The following TPRG1 variants were observed in gnomAD, a reference collection of about 807,000 sequenced individuals.
TPRG1 encodes the protein tumor protein p63 regulated 1, also known as tumor protein p63-regulated gene 1 protein.
Under a neutral mutation model 29.3 loss-of-function variants are expected in TPRG1, and 29 were observed. The ratio of observed to expected loss-of-function variants is 0.99; its 90% confidence interval spans 0.74 to 1.35. The LOEUF (loss-of-function observed/expected upper bound fraction) is 1.35. Ranked by LOEUF, TPRG1 falls within the 40% of genes most tolerant of loss-of-function variation. The pLI, the probability that TPRG1 is intolerant of heterozygous loss-of-function variation, is 0.00. For missense variants in TPRG1, 327 were observed against 335.0 expected (o/e 0.98, Z 0.19); for synonymous variants, 130 against 116.8 (o/e 1.11, Z -0.73).
intron 4 of TPRG1, among the ~76,000 whole-genome samples, chr3:189,255,036 C>G (rs1035153706): frequency 6.6e-6 from 1 of 152,142 alleles, no homozygotes; most frequent in African/African-American, 2.4e-5. Flanking sequence ...CCTGATTGCC[C>G]TGGCCAGAAC....
intron 3 of TPRG1, among the ~76,000 whole-genome samples, chr3:189,222,852 C>A (rs993851947): frequency 3.3e-5 from 5 of 152,156 alleles, no homozygotes; most frequent in African/African-American, 4.8e-5. Flanking sequence ...CCGGTGCTAT[C>A]CCTTGGCCTC....
chr3:189,140,391 C>T (rs377165946), intron 3 of TPRG1, among the ~76,000 whole-genome samples: 7 of 152,066 alleles, frequency 4.6e-5, no homozygotes, highest in South Asian at 2.1e-4. Context: ...ATGGAGTGGA[C>T]GAAGTGTACC....
At chr3:189,143,455 T>G (rs1302169619) in intron 3 of TPRG1, among the ~76,000 whole-genome samples, 4 of 152,160 alleles carry the variant, frequency 2.6e-5, no homozygotes, top group African/African-American at 9.7e-5. Context: ...CAGAGTAGGA[T>G]GTTCTAAATT....
Position 189,320,884 on chromosome 3 carries a change from C to A in TPRG1, c.*64C>A. On this transcript the variant is annotated 3_prime_UTR_variant, in exon 6 of 6. Coordinates refer to ENST00000345063, the MANE Select transcript of TPRG1 (RefSeq NM_198485.4). ...TGTCACTTTGAAAATTCCAGTTTGACCCACGCTATTTTTGGACTGAAACAA... is the reference window on the plus strand; with the variant it reads ...TGTCACTTTGAAAATTCCAGTTTGAACCACGCTATTTTTGGACTGAAACAA... 1 of 1,301,990 alleles carries A rather than the reference C, an allele frequency of 7.7e-7. No homozygotes were observed. Among genetic ancestry groups the A allele is most frequent in the East Asian group, 2.7e-5 (1 of 37,566 alleles). 80.7% of individuals were successfully genotyped at this position (1,301,990 alleles called of 1,614,324 possible).
chr3:189,268,633 A>G (rs1044242486), intron 4 of TPRG1, among the ~76,000 whole-genome samples: 2 of 152,322 alleles, frequency 1.3e-5, no homozygotes, highest in Non-Finnish European at 2.9e-5. Flanking sequence ...TTGAGGTTCT[A>G]TAATAGTTTG....
At chr3:189,052,560 C>G (rs1715392743) in intron 4 of TPRG1, among the ~76,000 whole-genome samples, 1 of 152,144 alleles carries the variant, frequency 6.6e-6, no homozygotes, top group African/African-American at 2.4e-5. Context: ...GAAAGTAGAA[C>G]TACCATTTGA....
In TPRG1 at chr3:189,141,741, G is replaced by A. The variant is rs140274816; in HGVS notation, c.-290-5843G>A. ...AACATAGTCCTTGAAATTTACCAAC[G>A]TTACAGTCTCAAGTATTTGTGTGTG... On this transcript the variant is annotated intron_variant, in intron 3 of 6. Coordinates refer to the TPRG1 transcript ENST00000412373. 2.2e-4 allele frequency among the ~76,000 whole-genome samples: 34 copies of A among 152,236 alleles called. No individual in the cohort carries two copies. In the East Asian group the frequency reaches 4.8e-3, roughly 22 times the overall value.
At position 189,310,390 on chromosome 3, in the gene TPRG1, C is replaced by A. The variant is rs755877455; in HGVS notation, c.484C>A (p.Gln162Lys). ...TGGAAAACGCCTTTCTTGTAGGAGA[C>A]AAGGAGAAGGCCTTAGGATCTACTG... is the stretch of plus-strand genomic sequence containing the variant. Reference protein sequence around the residue: ...TFPGMSLDKRQGEGLRIYWGS... With the variant: ...TFPGMSLDKRKGEGLRIYWGS... The change falls in exon 5 of 6, where the codon CAA (glutamine) becomes AAA (lysine). Residue 162 changes from glutamine (Q) to lysine (K), a missense_variant. By Grantham distance (53) the Gln-to-Lys change is moderately conservative. Coordinates refer to ENST00000345063, the MANE Select transcript of TPRG1 (RefSeq NM_198485.4). The A allele has an allele frequency of 1.6e-5, 25 of 1,586,476 alleles. No individual in the cohort carries two copies. The East Asian group carries it at 4.9e-4, about 31-fold the overall frequency.
At chr3:189,164,232 C>T (rs1348958859) in intron 5 of TPRG1, among the ~76,000 whole-genome samples, 2 of 151,946 alleles carry the variant, frequency 1.3e-5, no homozygotes, top group African/African-American at 4.8e-5. Flanking sequence ...GTGCGATCTC[C>T]ACTCACTGCA....
intron 4 of TPRG1, among the ~76,000 whole-genome samples, chr3:189,274,855 G>A (rs1715830023): frequency 6.6e-6 from 1 of 151,516 alleles, no homozygotes; most frequent in Admixed American, 6.6e-5. Flanking sequence ...ATTTTGACCT[G>A]TGCTTTTTTT....
At chr3:189,258,430 G>A (rs1276971238) in intron 4 of TPRG1, among the ~76,000 whole-genome samples, 1 of 152,146 alleles carries the variant, frequency 6.6e-6, no homozygotes, top group East Asian at 1.9e-4. Flanking sequence ...TGTGTTTGAG[G>A]TGTCTGTTGA....
At chr3:189,312,163 T>C (rs182605655) in intron 5 of TPRG1, among the ~76,000 whole-genome samples, 4,885 of 71,960 alleles carry the variant, frequency 0.068, 452 homozygotes, top group East Asian at 0.13. Flanking sequence ...CTTTCTTTCT[T>C]TCTTTCTTTC....
chr3:189,008,547 TTAAC>T lies in TPRG1; in HGVS notation c.-660+3794_-660+3797del, dbSNP rs1248837149. 5.3e-5 allele frequency among the ~76,000 whole-genome samples: 8 copies of T among 152,332 alleles called. No homozygotes were observed. In the South Asian group the frequency reaches 1.5e-3, roughly 28 times the overall value. ...GCCCAAGAATTAGTACAATTTTACT[TTAAC>T]TAACTACTGAGTGTATAAATGAGAA... is the stretch of plus-strand genomic sequence containing the variant. On this transcript the variant is annotated intron_variant, in intron 3 of 10. Coordinates refer to the TPRG1 transcript ENST00000433971.
At chr3:189,022,791 T>G (rs531899672) in intron 3 of TPRG1, among the ~76,000 whole-genome samples, 1,627 of 152,362 alleles carry the variant, frequency 0.011, 18 homozygotes, top group Non-Finnish European at 0.016. Context: ...GTTTACCTAA[T>G]CAAGCCGGGG....
chr3:189,245,937 G>A (rs2108979835), intron 4 of TPRG1, among the ~76,000 whole-genome samples: 1 of 151,978 alleles, frequency 6.6e-6, no homozygotes, highest in East Asian at 1.9e-4. Flanking sequence ...AAAATTCTAT[G>A]TTATAAAGTT....
In TPRG1 at chr3:189,219,814, A is replaced by T. The variant is rs1736673920; in HGVS notation, c.302+4431A>T. The T allele has an allele frequency of 2.9e-6, 3 of 1,051,146 alleles. 1 individual carries two copies. In the South Asian group the frequency reaches 7.3e-5, roughly 26 times the overall value. The allele number at this position is 1,051,146 out of a possible 1,614,324, so 65.1% of individuals were successfully genotyped here. ...TTGAGAGTAGTTGCCTAAGGTATTTAAAAACCGGTAATTCTTGTTCTTCAT... is the reference window on the plus strand; with the variant it reads ...TTGAGAGTAGTTGCCTAAGGTATTTTAAAACCGGTAATTCTTGTTCTTCAT... On this transcript the variant is annotated intron_variant, in intron 3 of 5. Coordinates refer to ENST00000345063, the MANE Select transcript of TPRG1 (RefSeq NM_198485.4).
intron 4 of TPRG1, among the ~76,000 whole-genome samples, chr3:189,040,635 C>T (rs1422255638): frequency 6.6e-6 from 1 of 152,178 alleles, no homozygotes; most frequent in African/African-American, 2.4e-5. Flanking sequence ...GGTGCTACTT[C>T]TGCTCATATC....
At chr3:189,046,534 A>G (rs909841596) in intron 4 of TPRG1, among the ~76,000 whole-genome samples, 6 of 152,228 alleles carry the variant, frequency 3.9e-5, no homozygotes, top group African/African-American at 1.4e-4. Flanking sequence ...AGGGAAATAC[A>G]GTGAAAGGGG....
chr3:189,179,355 T>C (rs889856460), intron 1 of TPRG1, among the ~76,000 whole-genome samples: 1 of 152,172 alleles, frequency 6.6e-6, no homozygotes, highest in African/African-American at 2.4e-5. Flanking sequence ...GTGGCTCTCC[T>C]CACCCATCAC....
Sources: allele counts gnomAD v4.1 joint callset (sites outside exome capture counted in the v4.1 genomes callset), GRCh38; gene constraint gnomAD v4.1.1; transcripts MANE v1.5; gene names NCBI Gene and HGNC (gene_info 2026-07-23, HGNC 2026-07-21).